The following RBFOX1 variants were observed in gnomAD, a reference collection of about 807,000 sequenced individuals.
The protein encoded by RBFOX1 is RNA binding fox-1 homolog 1.
Under a neutral mutation model 57.7 loss-of-function variants are expected in RBFOX1, and 8 were observed. That is an observed-to-expected ratio of 0.14 (90% CI 0.08 to 0.25). The LOEUF (loss-of-function observed/expected upper bound fraction) is 0.25, where lower values mean the gene tolerates loss of function less well. RBFOX1 is among the 10% of genes least tolerant of loss of function. The pLI, the probability that RBFOX1 is intolerant of heterozygous loss-of-function variation, is 1.00. For synonymous variants in RBFOX1, 326 were observed against 222.4 expected, an observed-to-expected ratio of 1.47 and a Z score of -4.15; for missense variants, 611 against 548.5, an observed-to-expected ratio of 1.11 and a Z score of -1.14.
At chr16:6,812,557 A>G (rs1362917127) in intron 3 of RBFOX1, among the ~76,000 whole-genome samples, 2 of 151,870 alleles carry the variant, frequency 1.3e-5, no homozygotes, top group African/African-American at 2.4e-5. Context: ...TTGTATTTTT[A>G]TTAGAGACAG....
At chr16:7,108,696 A>T (rs1436563461) in intron 4 of RBFOX1, among the ~76,000 whole-genome samples, 1 of 152,186 alleles carries the variant, frequency 6.6e-6, no homozygotes, top group African/African-American at 2.4e-5. Context: ...ACCACAGTTA[A>T]AAGTGTCCAT....
chr16:6,418,197 A>G (rs2093677556), intron 2 of RBFOX1, among the ~76,000 whole-genome samples: 2 of 152,258 alleles, frequency 1.3e-5, no homozygotes, highest in Non-Finnish European at 2.9e-5. Context: ...ATTTTACCGA[A>G]GGGTAGCTGA....
At chr16:7,590,348 A>G (rs960333083) in intron 7 of RBFOX1, among the ~76,000 whole-genome samples, 1 of 151,876 alleles carries the variant, frequency 6.6e-6, no homozygotes, top group African/African-American at 2.4e-5. Flanking sequence ...GGAAATGTAT[A>G]TAACTCAAGT....
chr16:5,563,001 G>A (rs1426569867), intron 2 of RBFOX1, among the ~76,000 whole-genome samples: 1 of 152,140 alleles, frequency 6.6e-6, no homozygotes, highest in Non-Finnish European at 1.5e-5. Context: ...CCAGGCTGGA[G>A]TGCAGTGGTA....
At chr16:6,967,742 C>T (rs1021579016) in intron 3 of RBFOX1, among the ~76,000 whole-genome samples, 6 of 152,046 alleles carry the variant, frequency 3.9e-5, no homozygotes, top group Non-Finnish European at 7.4e-5. Flanking sequence ...TGTTTGTGCC[C>T]ATCTGCCCGT....
chr16:6,136,536 C>A (rs1488166994), intron 1 of RBFOX1, among the ~76,000 whole-genome samples: 1 of 152,106 alleles, frequency 6.6e-6, no homozygotes, highest in Non-Finnish European at 1.5e-5. Flanking sequence ...AGAAACTACC[C>A]ATTATTATGA....
chr16:5,376,770 T>G lies in RBFOX1; in HGVS notation c.220-90446T>G, dbSNP rs554610127. Reference sequence around the variant, plus strand: ...ATGACTGTCTGCTGAGTACTTTCTTTCCTTCCAAGCTTGGGGTAGACCAGA... The same window carrying G: ...ATGACTGTCTGCTGAGTACTTTCTTGCCTTCCAAGCTTGGGGTAGACCAGA... On this transcript the variant is annotated intron_variant, in intron 1 of 2. Coordinates refer to the RBFOX1 transcript ENST00000585867. 3.4e-5 allele frequency among the ~76,000 whole-genome samples: 5 copies of G among 148,434 alleles called. No individual in the cohort carries two copies. In the South Asian group the frequency reaches 1.0e-3, roughly 31 times the overall value.
At chr16:5,480,499 G>A (rs1296811072) in intron 2 of RBFOX1, among the ~76,000 whole-genome samples, 1 of 152,184 alleles carries the variant, frequency 6.6e-6, no homozygotes, top group Non-Finnish European at 1.5e-5. Context: ...TGCTGCCGCT[G>A]AAAATGCACG....
chr16:5,594,638 T>G (rs1330204769), intron 2 of RBFOX1, among the ~76,000 whole-genome samples: 1 of 152,044 alleles, frequency 6.6e-6, no homozygotes, highest in Non-Finnish European at 1.5e-5. Flanking sequence ...TTCATTCTTT[T>G]GAGTTTCTGA....
chr16:5,734,003 A>G (rs2052481253), intron 3 of RBFOX1, among the ~76,000 whole-genome samples: 1 of 152,028 alleles, frequency 6.6e-6, no homozygotes, highest in Non-Finnish European at 1.5e-5. Flanking sequence ...TACCTATTAG[A>G]GCTGAAGAGA....
chr16:5,966,996 G>T (rs1233838678), intron 4 of RBFOX1, among the ~76,000 whole-genome samples: 1 of 138,266 alleles, frequency 7.2e-6, no homozygotes, highest in African/African-American at 2.6e-5. Context: ...TAAATCGGGG[G>T]GGGGGGGGTC....
rs148572678 is a variant in RBFOX1 at position 7,624,796 on chromosome 16, C to A, written c.677-5807C>A. Among the ~76,000 whole-genome samples the A allele has an allele frequency of 4.5e-3, 686 of 152,274 alleles. 7 individuals carry two copies. Among genetic ancestry groups the A allele is most frequent in the African/African-American group, 0.016 (648 of 41,574 alleles). On this transcript the variant is annotated intron_variant, in intron 10 of 15. Coordinates refer to ENST00000550418, the MANE Select transcript of RBFOX1 (RefSeq NM_018723.4). ...TGGAGAGTTCTATTTTTGTGTGACT[C>A]TGCACCACCACACAGTAGAGGTTTG...
chr16:6,453,137 A>G (rs1268303321), intron 2 of RBFOX1, among the ~76,000 whole-genome samples: 1 of 151,814 alleles, frequency 6.6e-6, no homozygotes, highest in African/African-American at 2.4e-5. Flanking sequence ...CATCCTTTTA[A>G]CTTCTGGGAT....
At chr16:6,968,811 A>T (rs1376828735) in intron 3 of RBFOX1, among the ~76,000 whole-genome samples, 1 of 150,358 alleles carries the variant, frequency 6.7e-6, no homozygotes, top group Middle Eastern at 3.2e-3. Flanking sequence ...GTATTAATCC[A>T]GGTTTTTTTG....
chr16:7,659,028 G>A (rs76595006), intron 12 of RBFOX1, among the ~76,000 whole-genome samples: 2,295 of 152,224 alleles, frequency 0.015, 32 homozygotes, highest in South Asian at 0.036. Context: ...CCCTGGCCAT[G>A]TTTTTATTAT....
At chr16:6,497,732 T>C (rs2153164696) in intron 2 of RBFOX1, among the ~76,000 whole-genome samples, 1 of 151,994 alleles carries the variant, frequency 6.6e-6, no homozygotes, top group South Asian at 2.1e-4. Flanking sequence ...AATTTTTGTA[T>C]TTTTAGTAGA....
At chr16:7,662,802 C>T (rs189028562) in intron 12 of RBFOX1, among the ~76,000 whole-genome samples, 16 of 152,280 alleles carry the variant, frequency 1.1e-4, no homozygotes, top group African/African-American at 2.6e-4. Context: ...CATTATCTTA[C>T]GAAACCCTTT....
rs558293141 is a variant in RBFOX1 at position 6,220,210 on chromosome 16, A to G, written c.-126-96785A>G. Among the ~76,000 whole-genome samples, 4 of 152,238 alleles carry G rather than the reference A, an allele frequency of 2.6e-5. No individual in the cohort carries two copies. In the East Asian group the frequency reaches 7.7e-4, roughly 29 times the overall value. ...TGTCTGTGGGTGTGTGTATATGTAT[A>G]TATACATTCATCTATCCATTTATCG... On this transcript the variant is annotated intron_variant, in intron 1 of 15. Coordinates refer to ENST00000550418, the MANE Select transcript of RBFOX1 (RefSeq NM_018723.4).
chr16:6,561,821 T>C (rs980528347), intron 2 of RBFOX1, among the ~76,000 whole-genome samples: 2 of 152,198 alleles, frequency 1.3e-5, no homozygotes, highest in Non-Finnish European at 2.9e-5. Context: ...AGTTTTTTAG[T>C]TGCTAACCTC....
Sources: gnomAD v4.1 joint callset for allele counts (sites outside exome capture counted in the v4.1 genomes callset) on GRCh38, gnomAD v4.1.1 for gene constraint, MANE v1.5 for transcripts, NCBI Gene and HGNC (gene_info 2026-07-23, HGNC 2026-07-21) for gene names.